Variants in TRAPPC9 observed in about 807,000 individuals in gnomAD.
TRAPPC9 encodes trafficking protein particle complex subunit 9, also known as IKK2 binding protein.
A neutral mutation model predicts 124.0 loss-of-function variants in TRAPPC9; 83 were observed. The ratio of observed to expected loss-of-function variants is 0.67; its 90% confidence interval spans 0.56 to 0.80. The LOEUF (loss-of-function observed/expected upper bound fraction) is 0.80. Ranked by LOEUF, TRAPPC9 falls within the 30% of genes least tolerant of loss-of-function variation. The pLI is 0.00. For missense variants in TRAPPC9, 1,302 were observed against 1,508.3 expected, an observed-to-expected ratio of 0.86 and a Z score of 2.27; for synonymous variants, 638 against 617.5, an observed-to-expected ratio of 1.03 and a Z score of -0.49.
At chr8:139,763,609 A>AACACAC (rs10543406) in intron 21 of TRAPPC9, among the ~76,000 whole-genome samples, 14 of 151,126 alleles carry the variant, frequency 9.3e-5, no homozygotes, top group African/African-American at 3.2e-4. Flanking sequence ...CATGCACATA[A>AACACAC]ACACACACAC....
intron 16 of TRAPPC9, among the ~76,000 whole-genome samples, chr8:140,231,049 A>T (rs1479915523): frequency 6.6e-6 from 1 of 152,220 alleles, no homozygotes; most frequent in East Asian, 1.9e-4. Flanking sequence ...AGGGGCAGGA[A>T]GCCTGCATTT....
Position 140,358,649 on chromosome 8 carries a change from G to A in TRAPPC9, c.1495+1401C>T, listed in dbSNP as rs190645062. On this transcript the variant is annotated intron_variant, in intron 9 of 22. Coordinates refer to ENST00000438773, the MANE Select transcript of TRAPPC9 (RefSeq NM_001160372.4). ...TGGAGAGAAAGATGTGCTGCTTTTAGAAATGTGAAAACAGAGAAGCACGAA... is the reference window on the plus strand; with the variant it reads ...TGGAGAGAAAGATGTGCTGCTTTTAAAAATGTGAAAACAGAGAAGCACGAA... Among the ~76,000 whole-genome samples the A allele has an allele frequency of 1.0e-3, 152 of 152,342 alleles. 1 individual carries two copies. The highest frequency in any genetic ancestry group is 3.6e-3 in the African/African-American group (150 of 41,594).
intron 21 of TRAPPC9, among the ~76,000 whole-genome samples, chr8:139,878,307 A>C (rs999067562): frequency 2.6e-5 from 4 of 152,244 alleles, no homozygotes; most frequent in Admixed American, 6.5e-5. Flanking sequence ...CAAAATTAGA[A>C]TTGGAAAGTA....
intron 21 of TRAPPC9, among the ~76,000 whole-genome samples, chr8:139,865,212 T>C (rs1828442746): frequency 6.6e-6 from 1 of 152,136 alleles, no homozygotes. Context: ...CACAGGCATC[T>C]CTATAGACAG....
intron 17 of TRAPPC9, among the ~76,000 whole-genome samples, chr8:140,148,259 G>A (rs978160901): frequency 6.6e-6 from 1 of 152,174 alleles, no homozygotes; most frequent in African/African-American, 2.4e-5. Context: ...TGATGCTCTC[G>A]GTCGTTATTC....
At chr8:139,765,022 T>C (rs1820494177) in intron 21 of TRAPPC9, among the ~76,000 whole-genome samples, 1 of 152,142 alleles carries the variant, frequency 6.6e-6, no homozygotes, top group South Asian at 2.1e-4. Context: ...GACAATTCAT[T>C]CTAAAGGAGA....
intron 9 of TRAPPC9, among the ~76,000 whole-genome samples, chr8:140,347,626 G>C (rs374819060): frequency 1.1e-3 from 166 of 152,202 alleles, no homozygotes; most frequent in African/African-American, 3.7e-3. Context: ...TCCATCCACT[G>C]ACCCCCTCAC....
At chr8:140,420,636 G>A (rs746161540) in intron 5 of TRAPPC9, among the ~76,000 whole-genome samples, 14 of 151,308 alleles carry the variant, frequency 9.3e-5, no homozygotes, top group South Asian at 2.1e-4. Context: ...ATGTTCAAGG[G>A]GTACATGTGC....
chr8:140,341,138 C>A (rs777483353), intron 9 of TRAPPC9, among the ~76,000 whole-genome samples: 1 of 152,164 alleles, frequency 6.6e-6, no homozygotes, highest in Non-Finnish European at 1.5e-5. Flanking sequence ...CACAAAAAGA[C>A]TACATTCCAG....
intron 17 of TRAPPC9, chr8:140,095,006 C>A (rs1434012410): frequency 6.6e-6 from 1 of 152,154 alleles, no homozygotes. Flanking sequence ...AATGCATAAC[C>A]CAAGTCTGAT....
At chr8:139,941,180 T>G (rs1389441268) in intron 19 of TRAPPC9, among the ~76,000 whole-genome samples, 1 of 152,166 alleles carries the variant, frequency 6.6e-6, no homozygotes, top group Non-Finnish European at 1.5e-5. Context: ...TCAGAGCGGG[T>G]GGGCATCCTC....
intron 19 of TRAPPC9, among the ~76,000 whole-genome samples, chr8:139,957,464 C>T (rs1835073532): frequency 6.6e-6 from 1 of 152,204 alleles, no homozygotes; most frequent in Non-Finnish European, 1.5e-5. Context: ...AGCAGGAGAC[C>T]TGTCACAAGT....
chr8:140,434,549 A>T (rs1392834452), intron 4 of TRAPPC9, among the ~76,000 whole-genome samples: 3 of 152,258 alleles, frequency 2.0e-5, no homozygotes, highest in African/African-American at 7.2e-5. Context: ...ACTTAGACAC[A>T]GAACCTCAAG....
intron 21 of TRAPPC9, among the ~76,000 whole-genome samples, chr8:139,796,042 G>T (rs886511793): frequency 6.8e-6 from 1 of 147,428 alleles, no homozygotes; most frequent in African/African-American, 2.6e-5. Flanking sequence ...AGGAGGAAGA[G>T]GAGAAGGAGG....
At chr8:140,283,444 G>A (rs1033387912) in intron 14 of TRAPPC9, among the ~76,000 whole-genome samples, 26 of 150,372 alleles carry the variant, frequency 1.7e-4, no homozygotes, top group East Asian at 7.9e-4. Context: ...ACAGGCGCCC[G>A]CCACCACGCC....
intron 9 of TRAPPC9, among the ~76,000 whole-genome samples, chr8:140,351,203 G>A (rs1300913774): frequency 9.0e-6 from 1 of 111,716 alleles, no homozygotes; most frequent in Admixed American, 1.2e-4. Context: ...GTCGCTGACT[G>A]TGCTGCCATT....
chr8:140,180,855 T>A (rs191517593), intron 17 of TRAPPC9, among the ~76,000 whole-genome samples: 4 of 152,202 alleles, frequency 2.6e-5, no homozygotes, highest in Non-Finnish European at 5.9e-5. Context: ...GATTAACTTA[T>A]GTGACTGTGT....
chr8:139,969,115 T>C (rs1322515232), intron 19 of TRAPPC9, among the ~76,000 whole-genome samples: 1 of 152,228 alleles, frequency 6.6e-6, no homozygotes, highest in Non-Finnish European at 1.5e-5. Context: ...AACGCAGCCA[T>C]TCCAAGTGGA....
intron 17 of TRAPPC9, among the ~76,000 whole-genome samples, chr8:140,044,513 G>C (rs916082528): frequency 6.6e-6 from 1 of 152,212 alleles, no homozygotes; most frequent in Non-Finnish European, 1.5e-5. Flanking sequence ...TGACACCACT[G>C]TAAAAATTGG....
Sources: allele counts gnomAD v4.1 joint callset (sites outside exome capture counted in the v4.1 genomes callset), GRCh38; gene constraint gnomAD v4.1.1; transcripts MANE v1.5; gene names NCBI Gene and HGNC (gene_info 2026-07-23, HGNC 2026-07-21).